CACNA1C: variants seen among roughly 807,000 people sequenced by gnomAD.
CACNA1C encodes calcium voltage-gated channel subunit alpha1 C.
CACNA1C carries 30 observed loss-of-function variants against 229.0 expected under a neutral mutation model. The ratio of observed to expected loss-of-function variants is 0.13; its 90% CI spans 0.10 to 0.18. The LOEUF is 0.18. Among genes scored for constraint, CACNA1C ranks in the 10% least tolerant of loss-of-function variants. The pLI is 1.00. For synonymous variants in CACNA1C, 1,114 were observed against 1,132.5 expected, an observed-to-expected ratio of 0.98 and a Z score of 0.33; for missense variants, 1,658 against 2,845.0, an observed-to-expected ratio of 0.58 and a Z score of 9.49.
At chr12:2,604,944 C>T (rs1295325141) in intron 22 of CACNA1C, 137 bp from the exon 23 acceptor site, 6 of 703,112 alleles carry the variant, frequency 8.5e-6, no homozygotes, top group South Asian at 1.5e-5. Flanking sequence ...TCCCAGAATG[C>T]GAACATCCCC....
At chr12:2,408,111 A>G (rs1408194730) in intron 3 of CACNA1C, among the ~76,000 whole-genome samples, 2 of 152,210 alleles carry the variant, frequency 1.3e-5, no homozygotes, top group African/African-American at 4.8e-5. Flanking sequence ...AACCTTGAAA[A>G]CATTATGCTA....
At position 2,004,426 on chromosome 12, in the gene CACNA1C, T is replaced by G. The variant is rs551448708; in HGVS notation, c.139+33225T>G. The G allele has an allele frequency of 3.1e-6, 5 of 1,609,206 alleles. No individual in the cohort carries two copies. The East Asian group carries it at 1.1e-4, about 36-fold the overall frequency. On this transcript the variant is annotated intron_variant, in intron 1 of 46. Coordinates refer to the CACNA1C transcript ENST00000682462. ...CCACCAGGCCGCCTGCCGCCACGGC[T>G]GCCATCTTCCCTCCCTCCCAGACAT...
intron 7 of CACNA1C, among the ~76,000 whole-genome samples, chr12:2,497,068 T>G (rs970990430): frequency 6.6e-6 from 1 of 152,134 alleles, no homozygotes; most frequent in South Asian, 2.1e-4. Context: ...TTTTCAAAAA[T>G]CTAAACATCC....
chr12:2,062,155 G>GA (rs1285215508), intron 1 of CACNA1C, among the ~76,000 whole-genome samples: 13 of 152,006 alleles, frequency 8.6e-5, no homozygotes, highest in Non-Finnish European at 7.4e-5. Context: ...TTTCTCTAAA[G>GA]AAAAAAAGCT....
chr12:2,618,616 G>A (rs1265667669), intron 29 of CACNA1C, among the ~76,000 whole-genome samples: 1 of 152,242 alleles, frequency 6.6e-6, no homozygotes, highest in African/African-American at 2.4e-5. Flanking sequence ...AGGGGCCAGG[G>A]GAACCCTGCA....
intron 1 of CACNA1C, among the ~76,000 whole-genome samples, chr12:2,072,354 G>A (rs959765701): frequency 2.0e-5 from 3 of 151,902 alleles, no homozygotes; most frequent in Non-Finnish European, 2.9e-5. Context: ...ACACGCCACC[G>A]TGCCTGGCTA....
chr12:2,174,622 GT>G (rs1332619203), intron 3 of CACNA1C, among the ~76,000 whole-genome samples: 1 of 152,068 alleles, frequency 6.6e-6, no homozygotes, highest in African/African-American at 2.4e-5. Flanking sequence ...TGTAAGTACA[GT>G]TTACCCTTGA....
intron 1 of CACNA1C, among the ~76,000 whole-genome samples, chr12:2,103,560 T>C (rs1436479751): frequency 6.6e-6 from 1 of 152,244 alleles, no homozygotes; most frequent in Non-Finnish European, 1.5e-5. Flanking sequence ...TCTTTTGGTG[T>C]GCAGAAGCTC....
At chr12:2,570,585 G>A (rs541992378) in intron 13 of CACNA1C, among the ~76,000 whole-genome samples, 5 of 152,082 alleles carry the variant, frequency 3.3e-5, no homozygotes, top group South Asian at 2.1e-4. Flanking sequence ...TACCCACTAC[G>A]TATATACTGT....
intron 1 of CACNA1C, among the ~76,000 whole-genome samples, chr12:2,097,156 A>G (rs987125554): frequency 6.6e-6 from 1 of 151,878 alleles, no homozygotes; most frequent in South Asian, 2.1e-4. Flanking sequence ...TTATTTATTT[A>G]TTTTTTTGAG....
In CACNA1C at chr12:2,213,143, C is replaced by G. The variant is rs368730464; in HGVS notation, c.477+92713C>G. On this transcript the variant is annotated intron_variant, in intron 3 of 46. Transcript: ENST00000399655. ...AGGAGAAAAGTCAGTCAGGAGCCAG[C>G]GCCTGCCATTTCCCATTCTTTCAGA... 5.5e-4 allele frequency among the ~76,000 whole-genome samples: 83 copies of G among 152,252 alleles called. 1 individual carries two copies. Among genetic ancestry groups the G allele is most frequent in the African/African-American group, 1.9e-3 (77 of 41,542 alleles).
intron 3 of CACNA1C, among the ~76,000 whole-genome samples, chr12:2,443,864 T>C (rs2099251733): frequency 6.6e-6 from 1 of 152,226 alleles, no homozygotes; most frequent in African/African-American, 2.4e-5. Context: ...TGCTTGTTTT[T>C]GTTTTTTGTT....
At chr12:2,466,522 G>T (rs1335194391) in intron 5 of CACNA1C, among the ~76,000 whole-genome samples, 1 of 152,212 alleles carries the variant, frequency 6.6e-6, no homozygotes, top group Non-Finnish European at 1.5e-5. Context: ...CCAGAGTCAG[G>T]GAAGAGGCTC....
At chr12:2,619,693 G>A (rs2082330283) in intron 29 of CACNA1C, among the ~76,000 whole-genome samples, 1 of 151,684 alleles carries the variant, frequency 6.6e-6, no homozygotes, top group Admixed American at 6.6e-5. Context: ...CGGTGCCTAG[G>A]CCTTGCCATT....
chr12:2,623,976 A>C (rs962749202), intron 29 of CACNA1C, among the ~76,000 whole-genome samples: 6 of 152,170 alleles, frequency 3.9e-5, no homozygotes, highest in African/African-American at 1.4e-4. Context: ...CAGCATGGCC[A>C]CCCAGGTCAG....
chr12:2,539,922 G>C (rs1365647567), intron 9 of CACNA1C, among the ~76,000 whole-genome samples: 2 of 152,158 alleles, frequency 1.3e-5, no homozygotes, highest in African/African-American at 4.8e-5. Flanking sequence ...CAGTACCCCA[G>C]GGTAGCAGCT....
chr12:2,656,616 T>C (rs1010358077), intron 34 of CACNA1C, among the ~76,000 whole-genome samples: 2 of 152,228 alleles, frequency 1.3e-5, no homozygotes, highest in African/African-American at 4.8e-5. Flanking sequence ...AGACCCTGAA[T>C]AGCCAAAGCA....
chr12:2,602,478 T>C lies in CACNA1C; in HGVS notation c.2960+518T>C, dbSNP rs921027547. On this transcript the variant is annotated intron_variant, in intron 22 of 46. Transcript: ENST00000399655. This position sits in a 1 kb window ranked among gnomAD's most constrained non-coding sequence, Gnocchi z 4.4. ...TGGATGTGTGGGGTGTGTGTATATG[T>C]GGATGTGTGTTTGTGGCTGTGTGTA... 6.6e-6 allele frequency among the ~76,000 whole-genome samples: 1 copy of C among 151,972 alleles called. No homozygotes were observed. Among genetic ancestry groups the C allele is most frequent in the African/African-American group, 2.4e-5 (1 of 41,350 alleles).
intron 3 of CACNA1C, among the ~76,000 whole-genome samples, chr12:2,393,750 A>C (rs555628192): frequency 5.9e-5 from 9 of 152,308 alleles, no homozygotes; most frequent in African/African-American, 2.2e-4. Flanking sequence ...ATAAGATCAA[A>C]ATTTCTTATT....
Sources: gnomAD v4.1 joint callset for allele counts (sites outside exome capture counted in the v4.1 genomes callset) on GRCh38, gnomAD v4.1.1 for gene constraint, Gnocchi (gnomAD v3.1) non-coding constraint, MANE v1.5 for transcripts, NCBI Gene and HGNC (gene_info 2026-07-23, HGNC 2026-07-21) for gene names.